Variants in CCDC7 observed in about 807,000 individuals in gnomAD.
CCDC7 encodes the protein coiled-coil domain containing 7.
CCDC7 carries 183 observed loss-of-function variants against 196.9 expected under a neutral mutation model. That is an observed-to-expected ratio of 0.93 (90% CI 0.82 to 1.05). The LOEUF (loss-of-function observed/expected upper bound fraction) is 1.05. Ranked by LOEUF, CCDC7 falls within the 50% of genes least tolerant of loss-of-function variation. The pLI is 0.00. For missense variants in CCDC7, 1,540 were observed against 1,482.2 expected, an observed-to-expected ratio of 1.04 and a Z score of -0.64; for synonymous variants, 525 against 484.6, an observed-to-expected ratio of 1.08 and a Z score of -1.10.
chr10:32,593,646 T>C (rs1036823286), intron 18 of CCDC7, among the ~76,000 whole-genome samples: 1 of 152,242 alleles, frequency 6.6e-6, no homozygotes, highest in African/African-American at 2.4e-5. Context: ...TGAATGGTAT[T>C]GCCTAGGTTT....
At chr10:32,755,787 G>A (rs950095092) in intron 28 of CCDC7, among the ~76,000 whole-genome samples, 1 of 152,044 alleles carries the variant, frequency 6.6e-6, no homozygotes, top group South Asian at 2.1e-4. Flanking sequence ...GGCTTCAGAC[G>A]ATCAGTAATA....
chr10:32,641,565 C>G (rs1167193733), intron 20 of CCDC7, among the ~76,000 whole-genome samples: 1 of 152,182 alleles, frequency 6.6e-6, no homozygotes, highest in Non-Finnish European at 1.5e-5. Context: ...AATTGTTTTT[C>G]AAAGTTTTTA....
chr10:32,747,495 A>G (rs2484732), intron 28 of CCDC7, among the ~76,000 whole-genome samples: 1 of 151,976 alleles, frequency 6.6e-6, no homozygotes, highest in Admixed American at 6.5e-5. Flanking sequence ...TCCAGCATCT[A>G]TATGGAACTC....
chr10:32,661,018 T>A (rs1408323538), intron 20 of CCDC7, among the ~76,000 whole-genome samples: 1 of 113,624 alleles, frequency 8.8e-6, no homozygotes, highest in East Asian at 2.5e-4. Flanking sequence ...CAAAAGAAAC[T>A]ACCATCAGAG....
chr10:32,688,602 TTGTAAC>T (rs2076726347), intron 22 of CCDC7, among the ~76,000 whole-genome samples: 2 of 152,196 alleles, frequency 1.3e-5, no homozygotes, highest in Admixed American at 1.3e-4. Context: ...TTCATTCCTT[TTGTAAC>T]TGTATGTACA....
At chr10:32,678,623 T>C (rs1281542361) in intron 21 of CCDC7, among the ~76,000 whole-genome samples, 2 of 152,168 alleles carry the variant, frequency 1.3e-5, no homozygotes, top group Non-Finnish European at 2.9e-5. Flanking sequence ...GCTGATTCCC[T>C]GAGTGTTTTG....
chr10:32,461,731 G>GTATATA (rs61624157), intron 3 of CCDC7, among the ~76,000 whole-genome samples: 3 of 33,068 alleles, frequency 9.1e-5, no homozygotes, highest in African/African-American at 2.1e-4. Flanking sequence ...ATATATATAT[G>GTATATA]TATATATATA....
chr10:32,771,847 G>T (rs1358546661), intron 28 of CCDC7, among the ~76,000 whole-genome samples: 2 of 152,202 alleles, frequency 1.3e-5, no homozygotes, highest in East Asian at 3.9e-4. Context: ...CTGAGATCAT[G>T]CAGCTATTTT....
At chr10:32,856,177 A>G (rs2093746120) in intron 41 of CCDC7, among the ~76,000 whole-genome samples, 1 of 152,222 alleles carries the variant, frequency 6.6e-6, no homozygotes. Context: ...GACTTCTTGG[A>G]TGATACCAAA....
chr10:32,626,163 G>A (rs1328908572), intron 18 of CCDC7, among the ~76,000 whole-genome samples: 1 of 152,126 alleles, frequency 6.6e-6, no homozygotes, highest in East Asian at 1.9e-4. Context: ...AATAGTTGAT[G>A]TACTAGTTTA....
chr10:32,804,177 T>C (rs909252724), intron 29 of CCDC7, among the ~76,000 whole-genome samples: 4 of 152,174 alleles, frequency 2.6e-5, no homozygotes, highest in Non-Finnish European at 5.9e-5. Flanking sequence ...GACAAAACTT[T>C]AGTCCCAGTA....
At chr10:32,490,992 G>A (rs192697024) in intron 8 of CCDC7, among the ~76,000 whole-genome samples, 105 of 152,086 alleles carry the variant, frequency 6.9e-4, no homozygotes, top group African/African-American at 2.3e-3. Flanking sequence ...TGGTTTCTTG[G>A]TTGTACTTGA....
At chr10:32,854,607 G>C in intron 41 of CCDC7, 118 bp downstream of exon 42, 1 of 615,696 alleles carries the variant, frequency 1.6e-6, no homozygotes, top group Non-Finnish European at 2.8e-6. Context: ...AACCTTATGG[G>C]TGAGGCATGG....
At chr10:32,586,537 G>A (rs1365476333) in intron 18 of CCDC7, among the ~76,000 whole-genome samples, 4 of 152,038 alleles carry the variant, frequency 2.6e-5, no homozygotes, top group African/African-American at 4.8e-5. Context: ...AATCCATCTC[G>A]AGTTAATTTT....
intron 26 of CCDC7, among the ~76,000 whole-genome samples, chr10:32,727,605 C>A (rs2132651728): frequency 6.6e-6 from 1 of 152,178 alleles, no homozygotes; most frequent in East Asian, 1.9e-4. Flanking sequence ...TCTCTACAGG[C>A]ATCATTCAGG....
intron 28 of CCDC7, among the ~76,000 whole-genome samples, chr10:32,766,813 C>G (rs2078377538): frequency 6.6e-6 from 1 of 152,052 alleles, no homozygotes; most frequent in Non-Finnish European, 1.5e-5. Context: ...GGCCAAATAC[C>G]TATGGTCTCC....
chr10:32,618,078 T>A (rs995271962), intron 18 of CCDC7, among the ~76,000 whole-genome samples: 2 of 151,996 alleles, frequency 1.3e-5, no homozygotes, highest in Admixed American at 1.3e-4. Flanking sequence ...GGTTTCTATT[T>A]GCATGGAATA....
chr10:32,625,447 ATTAT>A (rs1255450609), intron 18 of CCDC7, among the ~76,000 whole-genome samples: 1 of 149,028 alleles, frequency 6.7e-6, no homozygotes, highest in African/African-American at 2.4e-5. Context: ...AATTTTATTT[ATTAT>A]TTATTTTATT....
At chr10:32,724,439 C>G (rs2082837038) in intron 25 of CCDC7, among the ~76,000 whole-genome samples, 1 of 152,016 alleles carries the variant, frequency 6.6e-6, no homozygotes, top group Non-Finnish European at 1.5e-5. Flanking sequence ...ATAATTAAGC[C>G]TTTTTTCAGA....
Sources: gnomAD v4.1 joint callset for allele counts (sites outside exome capture counted in the v4.1 genomes callset) on GRCh38, gnomAD v4.1.1 for gene constraint, MANE v1.5 for transcripts, NCBI Gene and HGNC (gene_info 2026-07-23, HGNC 2026-07-21) for gene names.